PCDHGA10: variants seen among roughly 807,000 people sequenced by gnomAD.
PCDHGA10 encodes protocadherin gamma subfamily A, 10, also known as protocadherin gamma-A10.
Under a neutral mutation model 59.5 loss-of-function variants are expected in PCDHGA10, and 42 were observed. That is an observed-to-expected ratio of 0.71 (90% CI 0.55 to 0.91). The LOEUF (loss-of-function observed/expected upper bound fraction) is 0.91, where lower values mean the gene tolerates loss of function less well. PCDHGA10 is among the 40% of genes least tolerant of loss of function. PCDHGA10 has a pLI of 0.00. For synonymous variants in PCDHGA10, 511 were observed against 517.2 expected (o/e 0.99, Z 0.16); for missense variants, 1,111 against 1,198.2 (o/e 0.93, Z 1.07).
intron 2 of PCDHGA10, among the ~76,000 whole-genome samples, chr5:141,496,392 C>T (rs6879760): frequency 0.064 from 9,762 of 152,240 alleles, 510 homozygotes; most frequent in African/African-American, 0.15. Context: ...CCTTACCCTA[C>T]CTCCTCAATG....
At chr5:141,492,859 C>G (rs966216924) in intron 1 of PCDHGA10, among the ~76,000 whole-genome samples, 1 of 152,232 alleles carries the variant, frequency 6.6e-6, no homozygotes, top group Non-Finnish European at 1.5e-5. Context: ...CTCGAGCGCC[C>G]TGGCTCTCAA....
intron 1 of PCDHGA10, among the ~76,000 whole-genome samples, chr5:141,459,307 A>G (rs1175102009): frequency 6.6e-6 from 1 of 152,198 alleles, no homozygotes; most frequent in Non-Finnish European, 1.5e-5. Context: ...AACATATACT[A>G]TTTTGTATCC....
intron 3 of PCDHGA10, among the ~76,000 whole-genome samples, chr5:141,509,791 C>T (rs2099878284): frequency 6.6e-6 from 1 of 152,164 alleles, no homozygotes; most frequent in Non-Finnish European, 1.5e-5. Flanking sequence ...TCATCATCTC[C>T]TCAGCTTCAT....
At chr5:141,444,637 G>C (rs2098443357) in intron 1 of PCDHGA10, among the ~76,000 whole-genome samples, 1 of 152,236 alleles carries the variant, frequency 6.6e-6, no homozygotes, top group Non-Finnish European at 1.5e-5. Context: ...CCAGTTCATT[G>C]AGGTAGGGGT....
At chr5:141,470,025 A>T (rs2099219670) in intron 1 of PCDHGA10, among the ~76,000 whole-genome samples, 1 of 152,156 alleles carries the variant, frequency 6.6e-6, no homozygotes, top group African/African-American at 2.4e-5. Context: ...GCTACTCGGG[A>T]TGCTGAGGCG....
intron 1 of PCDHGA10, among the ~76,000 whole-genome samples, chr5:141,446,714 G>T (rs193229261): frequency 2.6e-5 from 4 of 152,044 alleles, no homozygotes; most frequent in African/African-American, 9.7e-5. Flanking sequence ...TGATCTGCCC[G>T]CCTCGGCCTC....
chr5:141,429,476 A>T (rs1279691939), intron 1 of PCDHGA10, among the ~76,000 whole-genome samples: 1 of 152,112 alleles, frequency 6.6e-6, no homozygotes, highest in Non-Finnish European at 1.5e-5. Flanking sequence ...CAATCTCCAG[A>T]GTAGCTGAGA....
chr5:141,437,881 G>A (rs1317504695), intron 1 of PCDHGA10, among the ~76,000 whole-genome samples: 4 of 152,026 alleles, frequency 2.6e-5, no homozygotes, highest in Admixed American at 2.6e-4. Flanking sequence ...GGGACTACAG[G>A]CACACGCCAC....
chr5:141,414,123 C>T lies in PCDHGA10; in HGVS notation c.948C>T (p.Thr316=), dbSNP rs1328389134. The T allele has an allele frequency of 6.3e-7, 1 of 1,592,532 alleles. No individual in the cohort carries two copies. The part of the protein sequence containing the change: ...KISENLDYEE[T]GFYEIEIQAE... ...CAGAAAATCTAGATTATGAAGAAAC[C>T]GGTTTCTATGAAATAGAAATACAAG... The change falls in exon 1 of 4, where the codon ACC becomes ACT. Residue 316 remains threonine, a synonymous_variant. Transcript: ENST00000398610.
At chr5:141,433,848 A>AAC (rs1403081382) in intron 1 of PCDHGA10, among the ~76,000 whole-genome samples, 1 of 151,964 alleles carries the variant, frequency 6.6e-6, no homozygotes, top group South Asian at 2.1e-4. Context: ...AAAAAAAAAA[A>AAC]AAAAAAACTT....
chr5:141,423,116 C>T (rs374000303), intron 1 of PCDHGA10: 210 of 1,613,682 alleles, frequency 1.3e-4, no homozygotes, highest in Middle Eastern at 4.9e-4. Context: ...GTGCGTACAG[C>T]GCGGGCACTG....
At chr5:141,427,386 A>G (rs2097020887) in intron 1 of PCDHGA10, 1 of 459,098 alleles carries the variant, frequency 2.2e-6, no homozygotes, top group Non-Finnish European at 4.4e-6. Context: ...CACTCTGTTC[A>G]AAACACATGA....
At chr5:141,426,693 A>G (rs62378458) in intron 1 of PCDHGA10, 1 of 435,784 alleles carries the variant, frequency 2.3e-6, no homozygotes, top group African/African-American at 2.0e-5. Flanking sequence ...CCAAAATAGC[A>G]TTGTTTTACA....
Position 141,491,627 on chromosome 5 carries a change from A to C in PCDHGA10, c.2437-3180A>C. On this transcript the variant is annotated intron_variant, in intron 1 of 3. Transcript: ENST00000398610. The surrounding 1 kb of genome is among the most constrained non-coding windows in gnomAD (Gnocchi z 6.9). ...ACTTTTCTAAGACCCCTCAGCGTTC[A>C]GCAGCCCACAGCTCTGGCGCTGGAG... 6.2e-7 allele frequency: 1 copy of C among 1,613,924 alleles called. No homozygotes were observed. The highest frequency in any genetic ancestry group is 8.5e-7 in the Non-Finnish European group (1 of 1,180,026).
At position 141,489,181 on chromosome 5, in the gene PCDHGA10, T is replaced by C; in HGVS notation, c.2437-5626T>C. The C allele has an allele frequency of 1.6e-6, 2 of 1,259,546 alleles. No homozygotes were observed. The highest frequency in any genetic ancestry group is 2.2e-6 in the Non-Finnish European group (2 of 905,040). The allele number at this position is 1,259,546 out of a possible 1,614,324, so 78.0% of individuals were successfully genotyped here. ...ACTTCAGCTGCTGCATTCCAAGCCC[T>C]GGGTCTACCTTGGAGACAGGACAGC... On this transcript the variant is annotated intron_variant, in intron 1 of 3. Transcript: ENST00000398610. This position sits in a 1 kb window ranked among gnomAD's most constrained non-coding sequence, Gnocchi z 4.5.
At chr5:141,441,004 C>G (rs1258800474) in intron 1 of PCDHGA10, 1 of 152,066 alleles carries the variant, frequency 6.6e-6, no homozygotes, top group African/African-American at 2.4e-5. Flanking sequence ...TCTAGTTTGG[C>G]CTTGATCAAA....
Position 141,510,979 on chromosome 5 carries a change from G to A in PCDHGA10, c.2617G>A (p.Gly873Ser). 6.2e-7 allele frequency: 1 copy of A among 1,614,156 alleles called. No homozygotes were observed. The highest frequency in any genetic ancestry group is 8.5e-7 in the Non-Finnish European group (1 of 1,180,018). Reference sequence around the variant, plus strand: ...TGATGGGAGCTCCACCCTGGGAGGGGGTGCCGGCACCATGGGATTGAGCGC... The same window carrying A: ...TGATGGGAGCTCCACCCTGGGAGGGAGTGCCGGCACCATGGGATTGAGCGC... ...AADGSSTLGG[G>S]AGTMGLSARY... The change falls in exon 4 of 4, where the codon GGT becomes AGT. Residue 873 changes from glycine (G) to serine (S), a missense_variant. Physicochemically the swap from Gly to Ser is moderately conservative, Grantham distance 56. Transcript: ENST00000398610.
chr5:141,490,576 G>T lies in PCDHGA10; in HGVS notation c.2437-4231G>T. On this transcript the variant is annotated intron_variant, in intron 1 of 3. Transcript: ENST00000398610. The surrounding 1 kb of genome is among the most constrained non-coding windows in gnomAD (Gnocchi z 5.4). ...TCTCACCATCAGGCTCAACATTTCA[G>T]ATGTCAATGACAATGCACCCCGCTT... 2.5e-6 allele frequency: 4 copies of T among 1,614,134 alleles called. No homozygotes were observed. The highest frequency in any genetic ancestry group is 3.4e-6 in the Non-Finnish European group (4 of 1,180,030).
At chr5:141,481,587 G>A (rs1276529821) in intron 1 of PCDHGA10, among the ~76,000 whole-genome samples, 1 of 152,198 alleles carries the variant, frequency 6.6e-6, no homozygotes, top group African/African-American at 2.4e-5. Context: ...GGAGGCTGAG[G>A]CCAGCGGATC....
Sources: allele counts gnomAD v4.1 joint callset (sites outside exome capture counted in the v4.1 genomes callset), GRCh38; gene constraint gnomAD v4.1.1; non-coding constraint Gnocchi (gnomAD v3.1); transcripts MANE v1.5; gene names NCBI Gene and HGNC (gene_info 2026-07-23, HGNC 2026-07-21).